GRID1: variants seen among roughly 807,000 people sequenced by gnomAD.
GRID1 encodes glutamate receptor ionotropic, delta-1.
Under a neutral mutation model 98.0 loss-of-function variants are expected in GRID1, and 28 were observed. That is an observed-to-expected ratio of 0.29 (90% confidence interval 0.21 to 0.39). The LOEUF is 0.39. Ranked by LOEUF, GRID1 falls within the 10% of genes least tolerant of loss-of-function variation. The pLI is 1.00. For synonymous variants in GRID1, 553 were observed against 538.5 expected (o/e 1.03, Z -0.37); for missense variants, 1,111 against 1,340.5 (o/e 0.83, Z 2.67).
chr10:86,243,059 G>A (rs1364157840), intron 2 of GRID1, among the ~76,000 whole-genome samples: 1 of 152,120 alleles, frequency 6.6e-6, no homozygotes, highest in Non-Finnish European at 1.5e-5. Context: ...TTCCCAGGAT[G>A]GGTGTGAAGA....
intron 4 of GRID1, among the ~76,000 whole-genome samples, chr10:86,108,530 T>C (rs1486821067): frequency 6.6e-6 from 1 of 152,074 alleles, no homozygotes; most frequent in Non-Finnish European, 1.5e-5. Flanking sequence ...CACCCACACA[T>C]GTGCACACAG....
chr10:86,178,231 G>A, intron 3 of GRID1, among the ~76,000 whole-genome samples: 1 of 152,152 alleles, frequency 6.6e-6, no homozygotes, highest in Non-Finnish European at 1.5e-5. Flanking sequence ...AATGACCTCT[G>A]GCTGATTTTC....
intron 3 of GRID1, among the ~76,000 whole-genome samples, chr10:86,201,073 A>G (rs1448492892): frequency 6.6e-6 from 1 of 152,192 alleles, no homozygotes; most frequent in Non-Finnish European, 1.5e-5. Flanking sequence ...CTCAGAATAG[A>G]CCCTGAAAAG....
intron 12 of GRID1, among the ~76,000 whole-genome samples, chr10:85,675,854 A>C (rs137952210): frequency 0.012 from 1,813 of 152,254 alleles, 20 homozygotes; most frequent in Non-Finnish European, 0.015. Flanking sequence ...GTCATAGGGC[A>C]GGGGTGGTGT....
chr10:86,029,560 T>C (rs531195549), intron 4 of GRID1, among the ~76,000 whole-genome samples: 1 of 152,316 alleles, frequency 6.6e-6, no homozygotes, highest in African/African-American at 2.4e-5. Context: ...TCATAATTTG[T>C]TTTTACCAAA....
rs145513401 is a variant in GRID1 at position 85,965,001 on chromosome 10, G to T, written c.727-48762C>A. 4.2e-3 allele frequency among the ~76,000 whole-genome samples: 635 copies of T among 152,264 alleles called. 3 individuals carry two copies. The highest frequency in any genetic ancestry group is 0.014 in the African/African-American group (565 of 41,556). ...GGATATGAATAGACACTTCTCAAAA[G>T]AAGACATTTATGCAGCCAACAAACA... On this transcript the variant is annotated intron_variant, in intron 4 of 15. Coordinates refer to ENST00000327946, the MANE Select transcript of GRID1 (RefSeq NM_017551.3).
chr10:86,114,630 C>T (rs1204232149), intron 4 of GRID1, among the ~76,000 whole-genome samples: 1 of 152,206 alleles, frequency 6.6e-6, no homozygotes, highest in East Asian at 1.9e-4. Context: ...CAGTTGGAAA[C>T]ATTCTCAACT....
chr10:85,618,633 G>T (rs1211107708), intron 14 of GRID1, among the ~76,000 whole-genome samples: 1 of 152,168 alleles, frequency 6.6e-6, no homozygotes, highest in African/African-American at 2.4e-5. Flanking sequence ...GTTTTGCAAA[G>T]AAGCCACTGA....
chr10:86,118,319 T>G (rs1844615499), intron 4 of GRID1, among the ~76,000 whole-genome samples: 1 of 152,048 alleles, frequency 6.6e-6, no homozygotes, highest in South Asian at 2.1e-4. Flanking sequence ...ATATTGGACT[T>G]TGGAGACTCG....
intron 4 of GRID1, among the ~76,000 whole-genome samples, chr10:85,947,565 T>A (rs1205663319): frequency 6.6e-6 from 1 of 152,172 alleles, no homozygotes; most frequent in African/African-American, 2.4e-5. Context: ...GACCCACAAG[T>A]GCACGTCCAT....
chr10:85,683,446 A>G (rs1841233677), intron 12 of GRID1, among the ~76,000 whole-genome samples: 1 of 152,222 alleles, frequency 6.6e-6, no homozygotes, highest in East Asian at 1.9e-4. Context: ...TAGAGCTCTT[A>G]GATTTGGCAT....
chr10:85,888,304 C>T (rs1235110429), intron 5 of GRID1, among the ~76,000 whole-genome samples: 2 of 152,264 alleles, frequency 1.3e-5, no homozygotes, highest in East Asian at 3.9e-4. Context: ...TGGGCCCAGT[C>T]AGCACAGACA....
chr10:85,701,746 T>C (rs1006235669), intron 12 of GRID1, among the ~76,000 whole-genome samples: 3 of 152,106 alleles, frequency 2.0e-5, no homozygotes, highest in Admixed American at 2.0e-4. Flanking sequence ...CCAAACATCA[T>C]ATGTTCTCAC....
chr10:85,812,068 A>G (rs1156283708), intron 8 of GRID1, among the ~76,000 whole-genome samples: 1 of 152,214 alleles, frequency 6.6e-6, no homozygotes, highest in Non-Finnish European at 1.5e-5. Flanking sequence ...GCTGAAAGAA[A>G]AACATACTGC....
At chr10:86,060,683 G>C (rs1331362742) in intron 4 of GRID1, among the ~76,000 whole-genome samples, 1 of 152,158 alleles carries the variant, frequency 6.6e-6, no homozygotes, top group Non-Finnish European at 1.5e-5. Context: ...CATGAACAGT[G>C]CTCCTGAGTT....
At position 85,724,441 on chromosome 10, in the gene GRID1, C is replaced by T. The variant is rs368324363; in HGVS notation, c.1769G>A (p.Arg590Lys). ...IFVLNRIQAVRAQSAAQPRPS... is the reference protein window; with the variant it reads ...IFVLNRIQAVKAQSAAQPRPS... ...CCTGGGCTGGGCAGCACTCTGAGCC[C>T]TCACAGCCTGTATCCTGTTCAACAC... The change falls in exon 11 of 16, where the codon AGG (arginine) becomes AAG (lysine). Residue 590 changes from arginine (R) to lysine (K), a missense_variant. By Grantham distance (26) the Arg-to-Lys change is conservative (BLOSUM62 2). Around this residue, in one of 3 missense-constraint regions of GRID1, gnomAD observed 762 missense variants for 869.1 expected, o/e 0.88. Coordinates refer to ENST00000327946, the MANE Select transcript of GRID1 (RefSeq NM_017551.3). The T allele has an allele frequency of 3.1e-6, 5 of 1,614,028 alleles. No individual in the cohort carries two copies. The highest frequency in any genetic ancestry group is 4.2e-6 in the Non-Finnish European group (5 of 1,180,020).
intron 8 of GRID1, among the ~76,000 whole-genome samples, chr10:85,746,885 T>C (rs112185261): frequency 6.6e-6 from 1 of 152,332 alleles, no homozygotes; most frequent in Non-Finnish European, 1.5e-5. Flanking sequence ...CATTTGTTAA[T>C]GCATCAATAA....
At chr10:85,823,822 G>GGGCCCT (rs1456888598) in intron 8 of GRID1, among the ~76,000 whole-genome samples, 1 of 152,114 alleles carries the variant, frequency 6.6e-6, no homozygotes, top group Non-Finnish European at 1.5e-5. Flanking sequence ...ACCTTTTAAA[G>GGGCCCT]TTATAAAAGA....
intron 12 of GRID1, among the ~76,000 whole-genome samples, chr10:85,664,881 A>G (rs967719104): frequency 2.0e-5 from 3 of 150,290 alleles, no homozygotes; most frequent in Admixed American, 6.6e-5. Flanking sequence ...TTTCTGCCTC[A>G]GTTTCCTCAT....
Sources: gnomAD v4.1 joint callset for allele counts (sites outside exome capture counted in the v4.1 genomes callset) on GRCh38, gnomAD v4.1.1 for gene constraint, gnomAD v4.1.1 regional missense constraint, MANE v1.5 for transcripts, NCBI Gene and HGNC (gene_info 2026-07-23, HGNC 2026-07-21) for gene names.